Variants in ADGRE3 observed in about 807,000 individuals in gnomAD.
ADGRE3 encodes the protein EGF-like module receptor 3.
ADGRE3 carries 88 observed loss-of-function variants against 80.1 expected under a neutral mutation model. The ratio of observed to expected loss-of-function variants is 1.10; its 90% CI spans 0.93 to 1.31. The LOEUF is 1.31. Among genes scored for constraint, ADGRE3 ranks in the 40% most tolerant of loss-of-function variants. The pLI is 0.00. For synonymous variants in ADGRE3, 281 were observed against 294.8 expected (o/e 0.95, Z 0.48); for missense variants, 715 against 776.5 (o/e 0.92, Z 0.94).
intron 1 of ADGRE3, among the ~76,000 whole-genome samples, chr19:14,672,976 T>C (rs1027233325): frequency 2.0e-5 from 3 of 152,176 alleles, no homozygotes; most frequent in Non-Finnish European, 2.9e-5. Context: ...TCCAGTGATA[T>C]GGGCTAAAAG....
At chr19:14,644,423 C>T (rs1355714027) in intron 8 of ADGRE3, 148 bp from the exon 9 acceptor site, 9 of 492,406 alleles carry the variant, frequency 1.8e-5, no homozygotes, top group Admixed American at 4.1e-5. Flanking sequence ...TGGGTTCAAG[C>T]GATTCTCCTG....
intron 5 of ADGRE3, among the ~76,000 whole-genome samples, chr19:14,656,414 G>A (rs970343958): frequency 6.6e-6 from 1 of 150,602 alleles, no homozygotes; most frequent in African/African-American, 2.4e-5. Context: ...TCTCCCTTGC[G>A]AGAGAGAGGG....
intron 2 of ADGRE3, among the ~76,000 whole-genome samples, chr19:14,665,264 G>A (rs1218521242): frequency 1.3e-5 from 2 of 151,232 alleles, no homozygotes; most frequent in Non-Finnish European, 3.0e-5. Context: ...GGGGTTTCAC[G>A]GTGTTAGCCA....
intron 6 of ADGRE3, among the ~76,000 whole-genome samples, chr19:14,654,478 C>A (rs746612612): frequency 9.3e-5 from 14 of 151,244 alleles, no homozygotes; most frequent in Non-Finnish European, 1.2e-4. Context: ...TTGCCCAGGC[C>A]AGTCTTGAGC....
intron 7 of ADGRE3, among the ~76,000 whole-genome samples, chr19:14,648,953 C>G (rs190383059): frequency 5.2e-4 from 79 of 151,722 alleles, no homozygotes; most frequent in African/African-American, 1.9e-3. Flanking sequence ...CCATCTCTCT[C>G]TTTCCATCTC....
the ADGRE3 span, among the ~76,000 whole-genome samples, chr19:14,609,450 C>G: frequency 1.3e-5 from 2 of 152,124 alleles, no homozygotes; most frequent in African/African-American, 4.8e-5. Context: ...TAAGCAAGAG[C>G]CCACATGATC....
Position 14,633,309 on chromosome 19 carries a change from A to G in ADGRE3, c.1485-7T>C, listed in dbSNP as rs770390654. The G allele has an allele frequency of 5.6e-6, 9 of 1,608,706 alleles. No homozygotes were observed. The highest frequency in any genetic ancestry group is 2.2e-5 in the East Asian group (1 of 44,842). ...GTCCAGGTGGAGCCAGCATCTAGGA[A>G]CAGTGGGAAAAGAGATACAAAGAGA... On this transcript the variant is annotated splice_polypyrimidine_tract_variant and splice_region_variant and intron_variant, in intron 11 of 15. Transcript: ENST00000253673.
intron 1 of ADGRE3, among the ~76,000 whole-genome samples, chr19:14,671,052 C>G (rs1234392490): frequency 6.6e-6 from 1 of 152,196 alleles, no homozygotes; most frequent in East Asian, 1.9e-4. Context: ...TCATTTAGGG[C>G]AGTGCAGACC....
At chr19:14,634,210 C>G (rs984011823) in intron 11 of ADGRE3, among the ~76,000 whole-genome samples, 4 of 151,994 alleles carry the variant, frequency 2.6e-5, no homozygotes, top group Admixed American at 1.3e-4. Flanking sequence ...ACAAACTTGT[C>G]TTATTTTTAT....
intron 9 of ADGRE3, among the ~76,000 whole-genome samples, chr19:14,643,165 T>A (rs1195147957): frequency 7.4e-6 from 1 of 135,538 alleles, no homozygotes; most frequent in Middle Eastern, 3.4e-3. Flanking sequence ...TTTTTTTTTT[T>A]AGACAGAGTC....
chr19:14,633,361 A>T, intron 11 of ADGRE3, 59 bp from the exon 12 acceptor site: 1 of 1,303,380 alleles, frequency 7.7e-7, no homozygotes, highest in Non-Finnish European at 1.1e-6. Context: ...TGAGATCAAC[A>T]TAAAGTGTCT....
intron 4 of ADGRE3, among the ~76,000 whole-genome samples, chr19:14,659,203 T>C: frequency 1.5e-5 from 1 of 64,902 alleles, no homozygotes; most frequent in African/African-American, 8.5e-5. Flanking sequence ...CCTGGCTAAA[T>C]TTTTTTTTTT....
At chr19:14,666,178 A>G (rs1159254281) in intron 2 of ADGRE3, among the ~76,000 whole-genome samples, 1 of 151,374 alleles carries the variant, frequency 6.6e-6, no homozygotes, top group Non-Finnish European at 1.5e-5. Flanking sequence ...GAATTTCCAC[A>G]ATGTTTTCCA....
chr19:14,619,805 T>C (rs1970483960), intron 15 of ADGRE3, among the ~76,000 whole-genome samples: 1 of 152,238 alleles, frequency 6.6e-6, no homozygotes, highest in African/African-American at 2.4e-5. Context: ...GAATGCCTGT[T>C]ATCTAACATA....
At chr19:14,615,747 G>A (rs551566355), downstream of ADGRE3, among the ~76,000 whole-genome samples, 44 of 149,216 alleles carry the variant, frequency 2.9e-4, no homozygotes, top group Non-Finnish European at 5.5e-4. Context: ...GGGCAACAGA[G>A]AGACTCTGCT....
At chr19:14,663,967 T>C (rs929450229) in intron 2 of ADGRE3, among the ~76,000 whole-genome samples, 15 of 151,996 alleles carry the variant, frequency 9.9e-5, no homozygotes, top group African/African-American at 3.6e-4. Flanking sequence ...ATATTATATA[T>C]GTAAATAATA....
intron 6 of ADGRE3, among the ~76,000 whole-genome samples, chr19:14,653,957 T>C (rs10411112): frequency 6.2e-5 from 8 of 128,864 alleles, no homozygotes; most frequent in Non-Finnish European, 1.2e-4. Context: ...TTTTTTTTTT[T>C]TTTTTTTTAA....
rs1555755831 is a variant in ADGRE3 at position 14,636,137 on chromosome 19, T to TTCCTTCCTTC, written c.1484+1967_1484+1968insGAAGGAAGGA. On this transcript the variant is annotated intron_variant, in intron 11 of 15. Coordinates refer to ENST00000253673, the MANE Select transcript of ADGRE3 (RefSeq NM_032571.5). ...TTCTTTCTTTCTTTCTTTCTTTCTT[T>TTCCTTCCTTC]CTTTCTTTCTTTCTTCCTTTCCTCC... 9.3e-3 allele frequency among the ~76,000 whole-genome samples: 290 copies of TTCCTTCCTTC among 31,318 alleles called. 23 individuals carry two copies. The highest frequency in any genetic ancestry group is 0.032 in the Middle Eastern group (2 of 62). The allele number at this position is 31,318 out of a possible 152,430, so 20.5% of individuals were successfully genotyped here.
At chr19:14,652,933 G>T (rs2146872663) in intron 6 of ADGRE3, among the ~76,000 whole-genome samples, 1 of 152,050 alleles carries the variant, frequency 6.6e-6, no homozygotes, top group East Asian at 1.9e-4. Flanking sequence ...CATTCATTTA[G>T]TACGTTTTAA....
Sources: allele counts gnomAD v4.1 joint callset (sites outside exome capture counted in the v4.1 genomes callset), GRCh38; gene constraint gnomAD v4.1.1; transcripts MANE v1.5; gene names NCBI Gene and HGNC (gene_info 2026-07-23, HGNC 2026-07-21).